The following MLLT1 variants were observed in gnomAD, a reference collection of about 807,000 sequenced individuals.
The protein encoded by MLLT1 is protein ENL.
Under a neutral mutation model 55.1 loss-of-function variants are expected in MLLT1, and 11 were observed. The ratio of observed to expected loss-of-function variants is 0.20; its 90% CI spans 0.13 to 0.33. The LOEUF is 0.33. MLLT1 is among the 10% of genes least tolerant of loss of function. The probability of loss-of-function intolerance (pLI) is 1.00; values close to 1 mark genes in which losing one functional copy is unlikely to be tolerated. For synonymous variants in MLLT1, 323 were observed against 320.1 expected (o/e 1.01, Z -0.10); for missense variants, 536 against 760.6 (o/e 0.70, Z 3.47).
intron 1 of MLLT1, among the ~76,000 whole-genome samples, chr19:6,279,251 G>A (rs1341099226): frequency 6.6e-6 from 1 of 152,162 alleles, no homozygotes; most frequent in Non-Finnish European, 1.5e-5. Context: ...AGGCGACTCG[G>A]GGACAAGGGT....
Position 6,212,122 on chromosome 19 carries a change from G to A in MLLT1, c.*920C>T. On this transcript the variant is annotated 3_prime_UTR_variant, in exon 12 of 12. Transcript: ENST00000252674. The stretch of plus-strand genomic sequence containing the variant: ...AGAGGAAGAGGAGCCTATGGGAGGA[G>A]GCCGAGCCCCAGGGCGGCTGATGCG... The A allele has an allele frequency of 1.9e-6, 2 of 1,066,512 alleles. No individual in the cohort carries two copies. Among genetic ancestry groups the A allele is most frequent in the Non-Finnish European group, 2.3e-6 (2 of 879,740 alleles). 66.1% of individuals were successfully genotyped at this position (1,066,512 alleles called of 1,614,324 possible). A position where few individuals can be genotyped will look rare whatever the true frequency, so the allele number is the denominator to read the frequency against.
intron 3 of MLLT1, among the ~76,000 whole-genome samples, chr19:6,246,452 A>C (rs2144909761): frequency 1.3e-5 from 2 of 152,358 alleles, no homozygotes; most frequent in South Asian, 4.1e-4. Context: ...CTCCTCGAAA[A>C]AACACAACAA....
At chr19:6,223,358 TAA>T (rs2090922971) in intron 5 of MLLT1, among the ~76,000 whole-genome samples, 3 of 152,180 alleles carry the variant, frequency 2.0e-5, no homozygotes, top group African/African-American at 7.2e-5. Context: ...GTCGCTTTCC[TAA>T]AACACCGAGG....
Position 6,252,903 on chromosome 19 carries a change from A to G in MLLT1, c.276+9325T>C, listed in dbSNP as rs571888947. 1.2e-4 allele frequency among the ~76,000 whole-genome samples: 18 copies of G among 152,334 alleles called. 1 individual carries two copies. Among genetic ancestry groups the G allele is most frequent in the African/African-American group, 3.8e-4 (16 of 41,584 alleles). ...ATTAAAAGAATTATGAGAATACTAT[A>G]GACAACTATATGCCAGCTAGATAAT... On this transcript the variant is annotated intron_variant, in intron 3 of 11. Coordinates refer to ENST00000252674, the MANE Select transcript of MLLT1 (RefSeq NM_005934.4).
intron 1 of MLLT1, among the ~76,000 whole-genome samples, chr19:6,276,087 G>A (rs568610069): frequency 6.6e-6 from 1 of 152,218 alleles, no homozygotes; most frequent in African/African-American, 2.4e-5. Context: ...GCAAAGCTGA[G>A]TGCAAAACCT....
rs2233192 is a variant in MLLT1 at position 6,217,873 on chromosome 19, A to C, written c.1198+81T>G. On this transcript the variant is annotated intron_variant, in intron 7 of 11. Transcript: ENST00000252674. ...AGGGCCCAGCCTGTGCAGGCAGTGG[A>C]CGCTGAGGAATGCCCATGTGGCCTG... The C allele has an allele frequency of 3.1e-3, 4,684 of 1,517,552 alleles. 99 individuals carry two copies. The African/African-American group carries it at 0.046, about 15-fold the overall frequency. The allele number at this position is 1,517,552 out of a possible 1,614,324, so 94.0% of individuals were successfully genotyped here.
chr19:6,266,504 T>C (rs1306760835), intron 2 of MLLT1, among the ~76,000 whole-genome samples: 2 of 152,160 alleles, frequency 1.3e-5, no homozygotes, highest in African/African-American at 4.8e-5. Flanking sequence ...TCACCCAGGC[T>C]GGAGTGCAGT....
chr19:6,264,207 CCCTCCTGCCCAT>C (rs2091327830), intron 2 of MLLT1, among the ~76,000 whole-genome samples: 2 of 152,160 alleles, frequency 1.3e-5, no homozygotes, highest in Middle Eastern at 3.4e-3. Context: ...TGGGATCCCT[CCCTCCTGCCCAT>C]CCTCCTTCCC....
At position 6,269,929 on chromosome 19, in the gene MLLT1, C is replaced by A. The variant is rs550354717; in HGVS notation, c.193+650G>T. ...GCGGCCCCAGCCCTGATGGCGCTCA[C>A]CAGACCACCACCTCACTCTCCGATT... On this transcript the variant is annotated intron_variant, in intron 2 of 11. Transcript: ENST00000252674. Among the ~76,000 whole-genome samples the A allele has an allele frequency of 2.6e-5, 4 of 152,308 alleles. No individual in the cohort carries two copies. The South Asian group carries it at 8.3e-4, about 32-fold the overall frequency.
intron 3 of MLLT1, among the ~76,000 whole-genome samples, chr19:6,244,364 T>TA (rs200383302): frequency 0.071 from 9,830 of 139,380 alleles, 540 homozygotes; most frequent in East Asian, 0.15. Flanking sequence ...AAACGAACAT[T>TA]AAAAAAAAAA....
chr19:6,213,284 C>T (rs1029690878), intron 11 of MLLT1, 53 bp downstream of exon 11: 43 of 1,609,310 alleles, frequency 2.7e-5, no homozygotes, highest in Non-Finnish European at 3.4e-5. Context: ...GCAGCCCACA[C>T]TCCTCACAGG....
At position 6,230,689 on chromosome 19, in the gene MLLT1, T is replaced by A. The variant is rs751524421; in HGVS notation, c.301A>T (p.Thr101Ser). ...NKEEPRKVCF[T>S]YDLFLNLEGN... ...TCCAGGTTCAGGAACAGGTCGTAGG[T>A]GAAGCAGACCTTCCTCGGCTCCTCC... is the stretch of plus-strand genomic sequence containing the variant. The change falls in exon 4 of 12, where the codon ACC becomes TCC. Residue 101 changes from threonine to serine, a missense_variant. By Grantham distance (58) the Thr-to-Ser change is moderately conservative. This residue lies in a region of MLLT1 where 62 missense variants were observed against 195.8 expected (regional missense o/e 0.32). Coordinates refer to ENST00000252674, the MANE Select transcript of MLLT1 (RefSeq NM_005934.4). This position sits in a 1 kb window ranked among gnomAD's most constrained non-coding sequence, Gnocchi z 9.0. The A allele has an allele frequency of 6.2e-7, 1 of 1,613,826 alleles. No homozygotes were observed. The highest frequency in any genetic ancestry group is 1.3e-5 in the African/African-American group (1 of 74,872).
Position 6,222,699 on chromosome 19 carries a change from G to A in MLLT1, c.547-15C>T. ...TTGTTGGCGTCCTGCAAGGCCAAGA[G>A]CAGGGAGGGCAAGGGGAGAGACAAG... On this transcript the variant is annotated splice_polypyrimidine_tract_variant and intron_variant, in intron 5 of 11. Coordinates refer to ENST00000252674, the MANE Select transcript of MLLT1 (RefSeq NM_005934.4). The surrounding 1 kb of genome is among the most constrained non-coding windows in gnomAD (Gnocchi z 4.1). The A allele has an allele frequency of 6.6e-7, 1 of 1,509,704 alleles. No homozygotes were observed. Among genetic ancestry groups the A allele is most frequent in the Non-Finnish European group, 8.8e-7 (1 of 1,133,072 alleles). 93.5% of individuals were successfully genotyped at this position (1,509,704 alleles called of 1,614,324 possible). A position where few individuals can be genotyped will look rare whatever the true frequency, so the allele number is the denominator to read the frequency against.
chr19:6,245,730 T>A (rs116147950), intron 3 of MLLT1, among the ~76,000 whole-genome samples: 7 of 75,628 alleles, frequency 9.3e-5, no homozygotes, highest in African/African-American at 2.4e-4. Flanking sequence ...ACAAATAAAA[T>A]TTTTTTTTAA....
intron 1 of MLLT1, among the ~76,000 whole-genome samples, chr19:6,275,661 G>A (rs978237497): frequency 2.0e-5 from 3 of 152,144 alleles, no homozygotes; most frequent in African/African-American, 7.2e-5. Context: ...TGGGGCTAGG[G>A]GCCAGCACCT....
rs933619278 is a variant in MLLT1 at position 6,226,190 on chromosome 19, G to A, written c.546+787C>T. Among the ~76,000 whole-genome samples, 2 of 152,254 alleles carry A rather than the reference G, an allele frequency of 1.3e-5. No individual in the cohort carries two copies. The highest frequency in any genetic ancestry group is 4.8e-5 in the African/African-American group (2 of 41,464). On this transcript the variant is annotated intron_variant, in intron 5 of 11. Transcript: ENST00000252674. The surrounding 1 kb of genome is among the most constrained non-coding windows in gnomAD (Gnocchi z 6.3). Reference sequence around the variant, plus strand: ...AGACAAGTGAGGTGAGGAGAAAGGAGAGGACCGGTGGAGAGATGTGTGGGT... The same window carrying A: ...AGACAAGTGAGGTGAGGAGAAAGGAAAGGACCGGTGGAGAGATGTGTGGGT...
At chr19:6,258,182 C>G (rs970269226) in intron 3 of MLLT1, among the ~76,000 whole-genome samples, 3 of 152,188 alleles carry the variant, frequency 2.0e-5, no homozygotes, top group Non-Finnish European at 4.4e-5. Context: ...CAAGTACAAA[C>G]ACACACTCAC....
At chr19:6,215,912 C>T (rs957599010) in intron 8 of MLLT1, among the ~76,000 whole-genome samples, 2 of 152,170 alleles carry the variant, frequency 1.3e-5, no homozygotes, top group Non-Finnish European at 2.9e-5. Context: ...CTCGGCACCC[C>T]TGTGCCTCCT....
Position 6,270,427 on chromosome 19 carries a change from C to T in MLLT1, c.193+152G>A, listed in dbSNP as rs936379386. The T allele has an allele frequency of 1.5e-5, 11 of 746,548 alleles. No individual in the cohort carries two copies. The highest frequency in any genetic ancestry group is 7.7e-5 in the South Asian group (4 of 51,754). 46.2% of individuals were successfully genotyped at this position (746,548 alleles called of 1,614,324 possible). A position where few individuals can be genotyped will look rare whatever the true frequency, so the allele number is the denominator to read the frequency against. On this transcript the variant is annotated intron_variant, in intron 2 of 11. Coordinates refer to ENST00000252674, the MANE Select transcript of MLLT1 (RefSeq NM_005934.4). The surrounding 1 kb of genome is among the most constrained non-coding windows in gnomAD (Gnocchi z 7.1). ...ACTAACTCAACAGCTGGAGGTGACA[C>T]GGCTCCAGTGCCCCCACGCCGAGGG...
Sources: allele counts gnomAD v4.1 joint callset (sites outside exome capture counted in the v4.1 genomes callset), GRCh38; gene constraint gnomAD v4.1.1; regional missense constraint gnomAD v4.1.1; non-coding constraint Gnocchi (gnomAD v3.1); transcripts MANE v1.5; gene names NCBI Gene and HGNC (gene_info 2026-07-23, HGNC 2026-07-21).